FGGY: variants seen among roughly 807,000 people sequenced by gnomAD.
The protein encoded by FGGY is FGGY carbohydrate kinase domain containing, also known as FGGY carbohydrate kinase domain-containing protein.
In FGGY, 72 loss-of-function variants were observed where a neutral mutation model predicts 71.3. The observed-to-expected ratio is 1.01, with a 90% CI of 0.84 to 1.23. The LOEUF (loss-of-function observed/expected upper bound fraction) is 1.23. FGGY is among the 50% of genes most tolerant of loss of function. The pLI, the probability that FGGY is intolerant of heterozygous loss-of-function variation, is 0.00. For synonymous variants in FGGY, 251 were observed against 250.3 expected (o/e 1.00, Z -0.02); for missense variants, 668 against 682.3 (o/e 0.98, Z 0.23).
chr1:59,669,333 G>C (rs1001934975), intron 13 of FGGY, among the ~76,000 whole-genome samples: 3 of 152,104 alleles, frequency 2.0e-5, no homozygotes, highest in Non-Finnish European at 4.4e-5. Flanking sequence ...GTAACCAGTT[G>C]ATGATGACGC....
intron 4 of FGGY, among the ~76,000 whole-genome samples, chr1:59,375,245 T>G: frequency 1.6e-5 from 2 of 123,110 alleles, no homozygotes; most frequent in African/African-American, 3.2e-5. Context: ...GGCGATAGAG[T>G]GAGACTCCAT....
chr1:59,712,358 G>T (rs970495197), intron 14 of FGGY, among the ~76,000 whole-genome samples: 6 of 152,144 alleles, frequency 3.9e-5, no homozygotes, highest in Non-Finnish European at 8.8e-5. Context: ...TTTTCCAGGC[G>T]TGCAGTGCAA....
chr1:59,297,930 T>C (rs1391284086), intron 1 of FGGY, among the ~76,000 whole-genome samples: 1 of 152,142 alleles, frequency 6.6e-6, no homozygotes, highest in African/African-American at 2.4e-5. Flanking sequence ...GAAGAGTCAG[T>C]CATGACATGA....
intron 7 of FGGY, among the ~76,000 whole-genome samples, chr1:59,540,429 G>T (rs928963756): frequency 6.6e-6 from 1 of 152,226 alleles, no homozygotes; most frequent in African/African-American, 2.4e-5. Flanking sequence ...GCTACATGCA[G>T]CAGTGTGGTT....
intron 3 of FGGY, among the ~76,000 whole-genome samples, chr1:59,340,923 T>G (rs1481862176): frequency 6.6e-6 from 1 of 152,158 alleles, no homozygotes; most frequent in East Asian, 1.9e-4. Flanking sequence ...AATTGCATGC[T>G]CCATCTGAAG....
intron 14 of FGGY, among the ~76,000 whole-genome samples, chr1:59,729,770 C>G (rs1051252899): frequency 6.6e-6 from 1 of 152,094 alleles, no homozygotes; most frequent in Non-Finnish European, 1.5e-5. Context: ...GGGACTATGT[C>G]CCTGAGCTAT....
intron 5 of FGGY, among the ~76,000 whole-genome samples, chr1:59,414,749 A>G (rs529357624): frequency 2.0e-5 from 3 of 152,262 alleles, no homozygotes; most frequent in African/African-American, 4.8e-5. Flanking sequence ...TTGTGGAGGT[A>G]CTTACCTTTG....
At chr1:59,540,875 A>G (rs2095429276) in intron 7 of FGGY, among the ~76,000 whole-genome samples, 1 of 152,020 alleles carries the variant, frequency 6.6e-6, no homozygotes, top group South Asian at 2.1e-4. Flanking sequence ...CAAAGGAGCA[A>G]CTCCCAACTC....
chr1:59,512,496 G>T, intron 7 of FGGY, 57 bp downstream of exon 7: 2 of 1,559,890 alleles, frequency 1.3e-6, no homozygotes, highest in South Asian at 1.2e-5. Flanking sequence ...ATATTCCCTA[G>T]AACCGAAGAC....
At position 59,580,770 on chromosome 1, in the gene FGGY, T is replaced by C. The variant is rs578010648; in HGVS notation, c.903+26543T>C. Reference sequence around the variant, plus strand: ...TTTTCATTTCTCCTTCTTTTTCTACTACTTCCTCTTCATCACAAAAAAAGT... The same window carrying C: ...TTTTCATTTCTCCTTCTTTTTCTACCACTTCCTCTTCATCACAAAAAAAGT... On this transcript the variant is annotated intron_variant, in intron 8 of 15. Coordinates refer to ENST00000303721, the MANE Select transcript of FGGY (RefSeq NM_018291.5). Among the ~76,000 whole-genome samples, 125 of 152,310 alleles carry C rather than the reference T, an allele frequency of 8.2e-4. 2 individuals carry two copies. Among genetic ancestry groups the C allele is most frequent in the African/African-American group, 3.0e-3 (124 of 41,552 alleles).
At chr1:59,464,420 T>A (rs1008577916) in intron 6 of FGGY, among the ~76,000 whole-genome samples, 3 of 152,000 alleles carry the variant, frequency 2.0e-5, no homozygotes, top group Non-Finnish European at 4.4e-5. Context: ...GCAGGAAAGA[T>A]CCAAAATTGA....
chr1:59,426,527 T>A (rs2066396569), intron 5 of FGGY, among the ~76,000 whole-genome samples: 1 of 152,210 alleles, frequency 6.6e-6, no homozygotes, highest in African/African-American at 2.4e-5. Context: ...ATGTTTTAAT[T>A]TCAAAAAGTG....
At chr1:59,694,187 GCT>G (rs2097629849) in intron 14 of FGGY, among the ~76,000 whole-genome samples, 1 of 151,596 alleles carries the variant, frequency 6.6e-6, no homozygotes, top group Non-Finnish European at 1.5e-5. Context: ...TACTCGGGAG[GCT>G]GAGGCAGGAG....
intron 14 of FGGY, among the ~76,000 whole-genome samples, chr1:59,728,448 A>G (rs1032625902): frequency 6.6e-6 from 1 of 152,080 alleles, no homozygotes; most frequent in Non-Finnish European, 1.5e-5. Context: ...AAGAGTAAAA[A>G]GATGAAATAT....
chr1:59,546,310 TGCC>T (rs2095518554), intron 7 of FGGY, among the ~76,000 whole-genome samples: 1 of 151,650 alleles, frequency 6.6e-6, no homozygotes, highest in Non-Finnish European at 1.5e-5. Flanking sequence ...CGAGTTCCAG[TGCC>T]CTTGCTTTGA....
At chr1:59,334,346 G>A (rs1439638948) in intron 2 of FGGY, among the ~76,000 whole-genome samples, 1 of 152,126 alleles carries the variant, frequency 6.6e-6, no homozygotes, top group African/African-American at 2.4e-5. Flanking sequence ...GTTTCATCGT[G>A]TTGGCCAGGC....
chr1:59,460,308 C>T (rs2092076664), intron 6 of FGGY, among the ~76,000 whole-genome samples: 1 of 152,168 alleles, frequency 6.6e-6, no homozygotes, highest in Non-Finnish European at 1.5e-5. Flanking sequence ...GCTAGCACAG[C>T]AGTCCGAGAT....
chr1:59,668,057 C>T (rs904492747), intron 13 of FGGY, among the ~76,000 whole-genome samples: 2 of 152,170 alleles, frequency 1.3e-5, no homozygotes, highest in Non-Finnish European at 2.9e-5. Context: ...GATTCCTTCT[C>T]AGCTCATCAG....
At chr1:59,615,035 G>A (rs2096735862) in intron 9 of FGGY, among the ~76,000 whole-genome samples, 1 of 152,148 alleles carries the variant, frequency 6.6e-6, no homozygotes, top group Admixed American at 6.5e-5. Flanking sequence ...CCATGCTCAT[G>A]GGTAGGAAGA....
Sources: allele counts gnomAD v4.1 joint callset (sites outside exome capture counted in the v4.1 genomes callset), GRCh38; gene constraint gnomAD v4.1.1; transcripts MANE v1.5; gene names NCBI Gene and HGNC (gene_info 2026-07-23, HGNC 2026-07-21).